The following SLC23A2 variants were observed in gnomAD, a reference collection of about 807,000 sequenced individuals.
SLC23A2 encodes the protein Na(+)/L-ascorbic acid transporter 2.
SLC23A2 carries 36 observed loss-of-function variants against 73.3 expected under a neutral mutation model. The ratio of observed to expected loss-of-function variants is 0.49; its 90% CI spans 0.38 to 0.65. The LOEUF (loss-of-function observed/expected upper bound fraction) is 0.65. Among genes scored for constraint, SLC23A2 ranks in the 30% least tolerant of loss-of-function variants. SLC23A2 has a pLI of 0.00. For missense variants in SLC23A2, 507 were observed against 841.6 expected, an observed-to-expected ratio of 0.60 and a Z score of 4.92; for synonymous variants, 343 against 327.3, an observed-to-expected ratio of 1.05 and a Z score of -0.52.
rs1930990726 is a variant in SLC23A2, at chr20:4,883,865, T to C, written c.643-42A>G. The C allele has an allele frequency of 1.5e-6, 2 of 1,373,194 alleles. No homozygotes were observed. Among genetic ancestry groups the C allele is most frequent in the Non-Finnish European group, 2.0e-6 (2 of 989,984 alleles). The allele number at this position is 1,373,194 out of a possible 1,614,324, so 85.1% of individuals were successfully genotyped here. ...CACAGACATGAGAGTGAGCTGCTTG[T>C]ACACTGCACACTCAGAATGTCACCT... On this transcript the variant is annotated intron_variant, in intron 8 of 16. Transcript: ENST00000338244. The surrounding 1 kb of genome is among the most constrained non-coding windows in gnomAD (Gnocchi z 4.5).
chr20:4,953,815 G>A (rs1356776026), intron 2 of SLC23A2, among the ~76,000 whole-genome samples: 1 of 152,088 alleles, frequency 6.6e-6, no homozygotes, highest in African/African-American at 2.4e-5. Flanking sequence ...CTTAAACGCA[G>A]GAGGCGGAGG....
intron 1 of SLC23A2, among the ~76,000 whole-genome samples, chr20:4,996,873 G>GAGAA (rs2088031938): frequency 6.6e-6 from 1 of 151,996 alleles, no homozygotes; most frequent in African/African-American, 2.4e-5. Flanking sequence ...AAAGGACAAT[G>GAGAA]AGAAGCTCCC....
At position 4,947,911 on chromosome 20, in the gene SLC23A2, T is replaced by C. The variant is rs1305536208; in HGVS notation, c.-154-15195A>G. Among the ~76,000 whole-genome samples, 2 of 152,190 alleles carry C rather than the reference T, an allele frequency of 1.3e-5. No individual in the cohort carries two copies. Among genetic ancestry groups the C allele is most frequent in the African/African-American group, 2.4e-5 (1 of 41,454 alleles). On this transcript the variant is annotated intron_variant, in intron 2 of 16. Transcript: ENST00000338244. This position sits in a 1 kb window ranked among gnomAD's most constrained non-coding sequence, Gnocchi z 4.4. ...CTCTTCCAGGTCTCCAGATGCCTTT[T>C]GTCATTTGATGCTCCCCCTGGCTCA...
At chr20:5,003,305 A>C (rs1228328153), upstream of SLC23A2, among the ~76,000 whole-genome samples, 2 of 151,896 alleles carry the variant, frequency 1.3e-5, no homozygotes, top group South Asian at 4.2e-4. Flanking sequence ...AATGGCGTGA[A>C]CCCGGGAGGC....
chr20:4,952,007 G>A (rs1263395651), intron 2 of SLC23A2, among the ~76,000 whole-genome samples: 2 of 150,356 alleles, frequency 1.3e-5, no homozygotes, highest in African/African-American at 2.5e-5. Flanking sequence ...TGAGGCTGAG[G>A]GCAGGAGAAT....
At chr20:4,914,642 G>A (rs1932264628) in intron 3 of SLC23A2, among the ~76,000 whole-genome samples, 1 of 152,138 alleles carries the variant, frequency 6.6e-6, no homozygotes, top group Non-Finnish European at 1.5e-5. Context: ...GTTGATCACT[G>A]CTGTAATTTA....
chr20:4,998,804 TC>T lies in SLC23A2; in HGVS notation c.-282+2601del, dbSNP rs1291558410. Among the ~76,000 whole-genome samples the T allele has an allele frequency of 8.1e-6, 1 of 122,892 alleles. No individual in the cohort carries two copies. Among genetic ancestry groups the T allele is most frequent in the Admixed American group, 9.0e-5 (1 of 11,162 alleles). The allele number at this position is 122,892 out of a possible 152,430, so 80.6% of individuals were successfully genotyped here. A position where few individuals can be genotyped will look rare whatever the true frequency, so the allele number is the denominator to read the frequency against. ...TATAATTTCAAATCATTACTGTTGA[TC>T]TTTTTTTTTTTTTTTTTAGGAGACA... On this transcript the variant is annotated intron_variant, in intron 1 of 16. Transcript: ENST00000338244. The surrounding 1 kb of genome is among the most constrained non-coding windows in gnomAD (Gnocchi z 4.1).
intron 2 of SLC23A2, among the ~76,000 whole-genome samples, chr20:4,950,838 A>G (rs189308756): frequency 1.3e-5 from 2 of 152,318 alleles, no homozygotes; most frequent in African/African-American, 4.8e-5. Context: ...CAGAAAAAGA[A>G]CCAGGACAAT....
chr20:5,000,956 G>A (rs935702841), intron 1 of SLC23A2, among the ~76,000 whole-genome samples: 6 of 152,176 alleles, frequency 3.9e-5, no homozygotes, highest in African/African-American at 1.4e-4. Flanking sequence ...ATTCCAGGGG[G>A]CGAGACGATG....
intron 1 of SLC23A2, among the ~76,000 whole-genome samples, chr20:4,999,692 C>T (rs2088086298): frequency 6.6e-6 from 1 of 152,030 alleles, no homozygotes; most frequent in Admixed American, 6.6e-5. Flanking sequence ...AACACCCGGC[C>T]CAGGTACTTC....
intron 3 of SLC23A2, among the ~76,000 whole-genome samples, chr20:4,925,075 C>G (rs1008485222): frequency 6.6e-6 from 1 of 151,666 alleles, no homozygotes; most frequent in African/African-American, 2.4e-5. Context: ...TTCAGCTACT[C>G]AGGAGGCTGA....
chr20:4,999,673 G>C (rs369196878), intron 1 of SLC23A2, among the ~76,000 whole-genome samples: 78 of 151,946 alleles, frequency 5.1e-4, no homozygotes, highest in African/African-American at 1.8e-3. Flanking sequence ...GATTACAGGT[G>C]TGAACCACAA....
intron 2 of SLC23A2, among the ~76,000 whole-genome samples, chr20:4,954,571 G>T (rs148180453): frequency 6.6e-6 from 1 of 151,730 alleles, no homozygotes; most frequent in Non-Finnish European, 1.5e-5. Context: ...GGTGGCGGGC[G>T]CCTGTAGTCC....
intron 1 of SLC23A2, among the ~76,000 whole-genome samples, chr20:4,973,759 G>A (rs977241180): frequency 2.6e-5 from 4 of 152,142 alleles, no homozygotes; most frequent in Non-Finnish European, 5.9e-5. Context: ...TGGGCGCTGC[G>A]GCAGGTCAGA....
At chr20:4,909,725 T>G (rs1221312540) in intron 4 of SLC23A2, among the ~76,000 whole-genome samples, 6 of 152,096 alleles carry the variant, frequency 3.9e-5, no homozygotes, top group Non-Finnish European at 1.5e-5. Context: ...GGCTAAATTT[T>G]TTTGTATTTT....
chr20:4,975,726 A>G (rs188561766), intron 1 of SLC23A2, among the ~76,000 whole-genome samples: 5 of 150,846 alleles, frequency 3.3e-5, no homozygotes, highest in African/African-American at 1.2e-4. Context: ...GTAAAGAATG[A>G]CATCTGGTTT....
At chr20:4,918,028 T>A (rs1932386155) in intron 3 of SLC23A2, among the ~76,000 whole-genome samples, 1 of 152,236 alleles carries the variant, frequency 6.6e-6, no homozygotes, top group African/African-American at 2.4e-5. Context: ...AATCAGTTCT[T>A]GAGGACTGAA....
intron 2 of SLC23A2, among the ~76,000 whole-genome samples, chr20:4,965,777 G>A (rs2087465194): frequency 6.6e-6 from 1 of 152,100 alleles, no homozygotes; most frequent in Non-Finnish European, 1.5e-5. Context: ...GACCAGTGTG[G>A]CCAATGTGGA....
At chr20:4,974,646 T>A (rs1482024907) in intron 1 of SLC23A2, among the ~76,000 whole-genome samples, 4 of 152,232 alleles carry the variant, frequency 2.6e-5, no homozygotes, top group Non-Finnish European at 4.4e-5. Flanking sequence ...TTTTTAACCT[T>A]ATACTACCCT....
Sources: allele counts gnomAD v4.1 joint callset (sites outside exome capture counted in the v4.1 genomes callset), GRCh38; gene constraint gnomAD v4.1.1; non-coding constraint Gnocchi (gnomAD v3.1); transcripts MANE v1.5; gene names NCBI Gene and HGNC (gene_info 2026-07-23, HGNC 2026-07-21).